Variants in BIRC6 observed in about 807,000 individuals in gnomAD.
The protein encoded by BIRC6 is baculoviral IAP repeat containing 6.
Under a neutral mutation model 503.3 loss-of-function variants are expected in BIRC6, and 98 were observed. That is an observed-to-expected ratio of 0.19 (90% CI 0.17 to 0.23). The LOEUF (loss-of-function observed/expected upper bound fraction) is 0.23. Ranked by LOEUF, BIRC6 falls within the 10% of genes least tolerant of loss-of-function variation. BIRC6 has a pLI of 1.00. For synonymous variants in BIRC6, 2,240 were observed against 2,078.7 expected (o/e 1.08, Z -2.11); for missense variants, 5,360 against 5,806.0 (o/e 0.92, Z 2.50).
At chr2:32,461,088 C>T (rs1451394369) in intron 23 of BIRC6, among the ~76,000 whole-genome samples, 26 of 6,342 alleles carry the variant, frequency 4.1e-3, no homozygotes, top group Non-Finnish European at 4.4e-3. Flanking sequence ...CTCTCCTCTC[C>T]TCTCCTCTCC....
chr2:32,367,009 T>C (rs1271235511), intron 1 of BIRC6, among the ~76,000 whole-genome samples: 1 of 152,122 alleles, frequency 6.6e-6, no homozygotes, highest in Non-Finnish European at 1.5e-5. Context: ...TTTTGCATAC[T>C]GTAGAACTGT....
chr2:32,586,362 A>T (rs866411561), intron 66 of BIRC6, among the ~76,000 whole-genome samples: 1 of 148,606 alleles, frequency 6.7e-6, no homozygotes, highest in South Asian at 2.1e-4. Flanking sequence ...ATGGCATTAT[A>T]TGAGCTTTAT....
intron 66 of BIRC6, among the ~76,000 whole-genome samples, chr2:32,577,095 A>C (rs1176632275): frequency 1.3e-5 from 2 of 152,100 alleles, no homozygotes; most frequent in Non-Finnish European, 2.9e-5. Context: ...GTGGTATCAT[A>C]ATTGAACTGA....
rs61754198 is a variant in BIRC6 at position 32,510,566 on chromosome 2, C to G, written c.10278C>G (p.Leu3426=). 12,648 of 1,609,480 alleles carry G rather than the reference C, an allele frequency of 7.9e-3. 92 individuals are homozygous for G. The highest frequency in any genetic ancestry group is 0.036 in the Middle Eastern group (215 of 6,054). The change falls in exon 53 of 74, where the codon CTC becomes CTG. Residue 3426 remains leucine (L), a synonymous_variant. Transcript: ENST00000421745. ...SPLLFGRLNG[L]SSDSTIDILY... ...TACTTTTTGGAAGACTAAATGGACT[C>G]TCTTCTGACTCTACGATAGATATTC...
intron 1 of BIRC6, among the ~76,000 whole-genome samples, chr2:32,368,707 A>AGT (rs2035331514): frequency 6.6e-6 from 1 of 151,428 alleles, no homozygotes; most frequent in Non-Finnish European, 1.5e-5. Context: ...GCTGGAGTGC[A>AGT]GTGGTGTGAT....
At chr2:32,460,748 C>A (rs2047806368) in intron 23 of BIRC6, among the ~76,000 whole-genome samples, 1 of 151,806 alleles carries the variant, frequency 6.6e-6, no homozygotes, top group Non-Finnish European at 1.5e-5. Flanking sequence ...TAGTGATTCA[C>A]TTAGTTTTCC....
chr2:32,515,810 A>T, intron 55 of BIRC6, 40 bp downstream of exon 55: 1 of 1,526,906 alleles, frequency 6.5e-7, no homozygotes, highest in Non-Finnish European at 8.8e-7. Flanking sequence ...TTGTTTTATT[A>T]CATAAGAAAG....
intron 23 of BIRC6, among the ~76,000 whole-genome samples, chr2:32,459,230 C>T (rs932973248): frequency 1.3e-5 from 2 of 152,158 alleles, no homozygotes; most frequent in African/African-American, 4.8e-5. Flanking sequence ...CACTTGGCAA[C>T]CAGTAGATTG....
At chr2:32,538,334 G>A (rs1343672594) in intron 61 of BIRC6, among the ~76,000 whole-genome samples, 1 of 152,148 alleles carries the variant, frequency 6.6e-6, no homozygotes, top group Non-Finnish European at 1.5e-5. Context: ...AAGCTGTGCA[G>A]AGATTTCAGC....
chr2:32,589,110 G>GTTGGTAT (rs1220899555), intron 66 of BIRC6, among the ~76,000 whole-genome samples: 5 of 152,118 alleles, frequency 3.3e-5, no homozygotes, highest in Non-Finnish European at 7.4e-5. Context: ...ATTTAGTGTA[G>GTTGGTAT]TTGGTATTTG....
chr2:32,411,732 G>C (rs1200443288), intron 9 of BIRC6, among the ~76,000 whole-genome samples: 21 of 151,972 alleles, frequency 1.4e-4, no homozygotes, highest in Admixed American at 1.1e-3. Context: ...GCCTGCCTTG[G>C]CCTCCCAAAG....
Position 32,415,475 on chromosome 2 carries a change from G to A in BIRC6, c.2184G>A (p.Glu728=). 6.2e-7 allele frequency: 1 copy of A among 1,613,998 alleles called. No homozygotes were observed. Among genetic ancestry groups the A allele is most frequent in the Non-Finnish European group, 8.5e-7 (1 of 1,179,902 alleles). Residue 728 remains glutamate (E), a synonymous_variant, in exon 10 of 74, where the codon GAG becomes GAA. Coordinates refer to ENST00000421745, the MANE Select transcript of BIRC6 (RefSeq NM_016252.4). ...QCLRLPKFAE[E]ENLCIDSITP... The stretch of plus-strand genomic sequence containing the variant: ...TGAGGCTGCCAAAGTTTGCAGAGGA[G>A]GAGAATCTTTGTATAGACTCAATAA...
chr2:32,441,474 G>T lies in BIRC6; in HGVS notation c.3944+12G>T. On this transcript the variant is annotated intron_variant, in intron 17 of 73. Coordinates refer to ENST00000421745, the MANE Select transcript of BIRC6 (RefSeq NM_016252.4). ...ATTTCTAAGGAAAGGTAATTTCATTGCATTATCTTGTTATTCTTACAGTAA... is the reference window on the plus strand; with the variant it reads ...ATTTCTAAGGAAAGGTAATTTCATTTCATTATCTTGTTATTCTTACAGTAA... 1 of 1,600,832 alleles carries T rather than the reference G, an allele frequency of 6.2e-7. No individual in the cohort carries two copies. The highest frequency in any genetic ancestry group is 8.5e-7 in the Non-Finnish European group (1 of 1,170,584).
At chr2:32,556,419 G>T (rs942991599) in intron 65 of BIRC6, among the ~76,000 whole-genome samples, 2 of 152,056 alleles carry the variant, frequency 1.3e-5, no homozygotes, top group Admixed American at 1.3e-4. Flanking sequence ...AGCTGCTCAC[G>T]TACCTAATCC....
intron 26 of BIRC6, among the ~76,000 whole-genome samples, chr2:32,466,240 C>T (rs2048525250): frequency 6.6e-6 from 1 of 152,060 alleles, no homozygotes; most frequent in Non-Finnish European, 1.5e-5. Context: ...TACTAGCTGA[C>T]CCACCCCAAA....
Position 32,515,121 on chromosome 2 carries a change from C to A in BIRC6, c.10700C>A (p.Thr3567Asn). ...TTGCTCATGGGCTGGATGGGAATTA[C>A]CCCTCCTCCAGTGCAATGTCATCAT... is the stretch of plus-strand genomic sequence containing the variant. ...FSLLMGWMGI[T>N]PPPVQCHHRL... The change falls in exon 55 of 74, where the codon ACC becomes AAC. Residue 3567 changes from threonine to asparagine, a missense_variant. Physicochemically the swap from Thr to Asn is moderately conservative, Grantham distance 65. This residue lies in a region of BIRC6 where 878 missense variants were observed against 928.9 expected (regional missense o/e 0.95). Coordinates refer to ENST00000421745, the MANE Select transcript of BIRC6 (RefSeq NM_016252.4). 1.2e-6 allele frequency: 2 copies of A among 1,613,940 alleles called. No individual in the cohort carries two copies. The highest frequency in any genetic ancestry group is 1.7e-6 in the Non-Finnish European group (2 of 1,179,868).
rs1245765148 is a variant in BIRC6 at position 32,611,108 on chromosome 2, CT to C, written c.14260-329del. Among the ~76,000 whole-genome samples the C allele has an allele frequency of 2.5e-3, 309 of 126,002 alleles. 3 individuals carry two copies. The highest frequency in any genetic ancestry group is 3.6e-3 in the Non-Finnish European group (212 of 58,596). 82.7% of individuals were successfully genotyped at this position (126,002 alleles called of 152,430 possible). On this transcript the variant is annotated intron_variant, in intron 72 of 73. Transcript: ENST00000421745. Reference sequence around the variant, plus strand: ...AATATTGTAGAGTTGATTAAATTGCCTTTTTTTTTTTGTTTGAGATGGAGGC... The same window carrying C: ...AATATTGTAGAGTTGATTAAATTGCCTTTTTTTTTTGTTTGAGATGGAGGC...
intron 45 of BIRC6, among the ~76,000 whole-genome samples, chr2:32,495,789 A>AGT (rs2052372443): frequency 9.4e-6 from 1 of 106,834 alleles, no homozygotes; most frequent in African/African-American, 3.8e-5. Context: ...TTCAGGATGA[A>AGT]GTTTTTTTTT....
chr2:32,378,277 C>G (rs1573772585), intron 2 of BIRC6, among the ~76,000 whole-genome samples: 2 of 152,094 alleles, frequency 1.3e-5, no homozygotes, highest in South Asian at 4.1e-4. Context: ...TGTTCTTGTT[C>G]TCTTTCTGCC....
Sources: allele counts gnomAD v4.1 joint callset (sites outside exome capture counted in the v4.1 genomes callset), GRCh38; gene constraint gnomAD v4.1.1; regional missense constraint gnomAD v4.1.1; transcripts MANE v1.5; gene names NCBI Gene and HGNC (gene_info 2026-07-23, HGNC 2026-07-21).